The following ITGA11 variants were observed in gnomAD, a reference collection of about 807,000 sequenced individuals.
ITGA11 encodes the protein integrin subunit alpha 11, also known as integrin alpha-11.
In ITGA11, 97 loss-of-function variants were observed where a neutral mutation model predicts 141.9. The observed-to-expected ratio is 0.68, with a 90% CI of 0.58 to 0.81. ITGA11 has a LOEUF of 0.81. Ranked by LOEUF, ITGA11 falls within the 30% of genes least tolerant of loss-of-function variation. The probability of loss-of-function intolerance (pLI) is 0.00; values close to 1 mark genes in which losing one functional copy is unlikely to be tolerated. For synonymous variants in ITGA11, 658 were observed against 624.6 expected (o/e 1.05, Z -0.80); for missense variants, 1,387 against 1,559.2 (o/e 0.89, Z 1.86).
intron 23 of ITGA11, among the ~76,000 whole-genome samples, chr15:68,313,511 C>T (rs767489874): frequency 1.3e-5 from 2 of 152,208 alleles, no homozygotes; most frequent in Non-Finnish European, 2.9e-5. Flanking sequence ...ACGCCTCCCA[C>T]TGCCCCCACC....
intron 2 of ITGA11, among the ~76,000 whole-genome samples, chr15:68,377,272 CTTTTG>C (rs902471302): frequency 5.6e-4 from 85 of 152,110 alleles, no homozygotes; most frequent in Admixed American, 1.7e-3. Context: ...CAAACTAATA[CTTTTG>C]TTTTGTTTTT....
chr15:68,418,870 C>A (rs919558245), intron 1 of ITGA11, among the ~76,000 whole-genome samples: 1 of 151,566 alleles, frequency 6.6e-6, no homozygotes, highest in African/African-American at 2.4e-5. Context: ...GTGGGATGAG[C>A]CCCAGCCCAG....
chr15:68,419,116 G>A (rs1225109088), intron 1 of ITGA11, among the ~76,000 whole-genome samples: 1 of 152,122 alleles, frequency 6.6e-6, no homozygotes, highest in Non-Finnish European at 1.5e-5. Context: ...GTCTCTGGCT[G>A]CATGGAATTT....
intron 2 of ITGA11, among the ~76,000 whole-genome samples, chr15:68,393,634 A>C (rs1294892245): frequency 1.3e-5 from 2 of 152,218 alleles, no homozygotes; most frequent in African/African-American, 4.8e-5. Flanking sequence ...AGATCTTTTC[A>C]GACAAACGAA....
intron 1 of ITGA11, among the ~76,000 whole-genome samples, chr15:68,417,028 C>A (rs1037072497): frequency 6.6e-6 from 1 of 151,344 alleles, no homozygotes; most frequent in Non-Finnish European, 1.5e-5. Flanking sequence ...TGGACCTCCT[C>A]TTTTTTTTTG....
At chr15:68,371,529 A>G (rs1179726814) in intron 2 of ITGA11, among the ~76,000 whole-genome samples, 3 of 152,138 alleles carry the variant, frequency 2.0e-5, no homozygotes, top group Non-Finnish European at 4.4e-5. Context: ...CCTGGCCAAC[A>G]TGGTGAAACC....
At position 68,302,928 on chromosome 15, in the gene ITGA11, G is replaced by C. The variant is rs774826596; in HGVS notation, c.*131C>G. The C allele has an allele frequency of 1.6e-5, 11 of 677,456 alleles. No homozygotes were observed. The highest frequency in any genetic ancestry group is 5.9e-5 in the South Asian group (3 of 51,194). 42.0% of individuals were successfully genotyped at this position (677,456 alleles called of 1,614,324 possible). The stretch of plus-strand genomic sequence containing the variant: ...CTGGAGGGAGCAGGCGCCATTGCTC[G>C]GGAGATGAGGTCAAGTGCAAAGCCA... On this transcript the variant is annotated 3_prime_UTR_variant, in exon 30 of 30. Coordinates refer to ENST00000315757, the MANE Select transcript of ITGA11 (RefSeq NM_001004439.2).
intron 15 of ITGA11, among the ~76,000 whole-genome samples, chr15:68,330,285 A>C (rs941659482): frequency 6.6e-6 from 1 of 152,212 alleles, no homozygotes; most frequent in Non-Finnish European, 1.5e-5. Flanking sequence ...TTAAAGTTGT[A>C]GGCAAATATG....
In ITGA11 at chr15:68,332,167, C is replaced by A. The variant is rs1045325079; in HGVS notation, c.1567-105G>T. The A allele has an allele frequency of 2.4e-6, 3 of 1,245,556 alleles. No homozygotes were observed. The South Asian group carries it at 4.2e-5, about 17-fold the overall frequency. The allele number at this position is 1,245,556 out of a possible 1,614,324, so 77.2% of individuals were successfully genotyped here. On this transcript the variant is annotated intron_variant, in intron 13 of 29. Coordinates refer to ENST00000315757, the MANE Select transcript of ITGA11 (RefSeq NM_001004439.2). ...CCGGCATCCTCTCACCACTCCATTC[C>A]CCAGAACCCCGTCTCTGGCTATATG...
In ITGA11 at chr15:68,331,849, G is replaced by T. The variant is rs1335335309; in HGVS notation, c.1770+10C>A. The T allele has an allele frequency of 6.2e-7, 1 of 1,607,422 alleles. No homozygotes were observed. Among genetic ancestry groups the T allele is most frequent in the Admixed American group, 1.7e-5 (1 of 59,060 alleles). On this transcript the variant is annotated intron_variant, in intron 14 of 29. Transcript: ENST00000315757. ...CATTTGCTCCATCCGCTTCCCCAGGGAAGCCTGACCTGCTTAGGTGTCTTC... is the reference window on the plus strand; with the variant it reads ...CATTTGCTCCATCCGCTTCCCCAGGTAAGCCTGACCTGCTTAGGTGTCTTC...
At chr15:68,352,011 A>C (rs890588360) in intron 7 of ITGA11, among the ~76,000 whole-genome samples, 2 of 151,498 alleles carry the variant, frequency 1.3e-5, no homozygotes, top group African/African-American at 4.8e-5. Flanking sequence ...TGAACCCGGG[A>C]GGCGGAGGTT....
chr15:68,338,628 G>A (rs1432691545), intron 11 of ITGA11, among the ~76,000 whole-genome samples: 1 of 152,198 alleles, frequency 6.6e-6, no homozygotes, highest in South Asian at 2.1e-4. Flanking sequence ...TAACCACAGG[G>A]TGGGCAGAGT....
intron 10 of ITGA11, among the ~76,000 whole-genome samples, chr15:68,342,057 C>T (rs2169214): frequency 0.39 from 58,728 of 152,120 alleles, 11,687 homozygotes; most frequent in Middle Eastern, 0.58. Flanking sequence ...GAGGAGTAGA[C>T]AGGTTAAGGC....
At chr15:68,430,515 C>T (rs1191245024) in intron 1 of ITGA11, among the ~76,000 whole-genome samples, 1 of 152,186 alleles carries the variant, frequency 6.6e-6, no homozygotes, top group African/African-American at 2.4e-5. Context: ...CTGTCCCTAG[C>T]CCCTAAGGCA....
rs758769403 is a variant in ITGA11, at chr15:68,348,869, C to T, written c.1092G>A (p.Leu364=). Residue 364 remains leucine, a synonymous_variant, in exon 10 of 30, where the codon CTG becomes CTA. Coordinates refer to ENST00000315757, the MANE Select transcript of ITGA11 (RefSeq NM_001004439.2). ...GTNKNETSFG[L]EMSQTGFSSH... The stretch of plus-strand genomic sequence containing the variant: ...AGGAAAAGCCCGTCTGTGACATCTC[C>T]AGCCCAAAGGAGGTCTCGTTCTTGT... 6.2e-7 allele frequency: 1 copy of T among 1,609,366 alleles called. No individual in the cohort carries two copies. Among genetic ancestry groups the T allele is most frequent in the South Asian group, 1.1e-5 (1 of 89,634 alleles).
At chr15:68,384,591 T>C (rs549963119) in intron 2 of ITGA11, among the ~76,000 whole-genome samples, 1 of 152,218 alleles carries the variant, frequency 6.6e-6, no homozygotes, top group Non-Finnish European at 1.5e-5. Flanking sequence ...CCTGGGGCCC[T>C]GGGCCAACGT....
At chr15:68,361,309 C>A (rs1169866912) in intron 5 of ITGA11, among the ~76,000 whole-genome samples, 1 of 152,148 alleles carries the variant, frequency 6.6e-6, no homozygotes, top group African/African-American at 2.4e-5. Context: ...CTCCTATATA[C>A]CCAGGGTTTC....
chr15:68,355,173 C>T (rs1403669883), intron 7 of ITGA11, among the ~76,000 whole-genome samples: 1 of 152,124 alleles, frequency 6.6e-6, no homozygotes, highest in African/African-American at 2.4e-5. Context: ...CCTCCCTTAC[C>T]CAAGCCATTT....
At position 68,328,105 on chromosome 15, in the gene ITGA11, T is replaced by A. The variant is rs763789424; in HGVS notation, c.2059A>T (p.Thr687Ser). 6.2e-7 allele frequency: 1 copy of A among 1,613,114 alleles called. No individual in the cohort carries two copies. The highest frequency in any genetic ancestry group is 1.1e-5 in the South Asian group (1 of 91,018). ...PIFLAPHFQT[T>S]TVGIRYNATM... ...GAGGGGCCTGCTTTACCAACAGTTG[T>A]TGTTTGGAAATGGGGTGCCAGGAAG... Residue 687 changes from threonine to serine, a missense_variant, in exon 16 of 30, where the codon ACA (threonine) becomes TCA (serine). Coordinates refer to ENST00000315757, the MANE Select transcript of ITGA11 (RefSeq NM_001004439.2). This position sits in a 1 kb window ranked among gnomAD's most constrained non-coding sequence, Gnocchi z 4.8.
Sources: gnomAD v4.1 joint callset for allele counts (sites outside exome capture counted in the v4.1 genomes callset) on GRCh38, gnomAD v4.1.1 for gene constraint, Gnocchi (gnomAD v3.1) non-coding constraint, MANE v1.5 for transcripts, NCBI Gene and HGNC (gene_info 2026-07-23, HGNC 2026-07-21) for gene names.